The following CWC27 variants were observed in gnomAD, a reference collection of about 807,000 sequenced individuals.
CWC27 encodes CWC27 spliceosome associated cyclophilin, also known as spliceosome-associated protein CWC27 homolog.
Under a neutral mutation model 63.6 loss-of-function variants are expected in CWC27, and 47 were observed. The observed-to-expected ratio is 0.74, with a 90% CI of 0.58 to 0.94. The LOEUF (loss-of-function observed/expected upper bound fraction) is 0.94. CWC27 is among the 40% of genes least tolerant of loss of function. CWC27 has a pLI of 0.00. For missense variants in CWC27, 495 were observed against 554.3 expected (o/e 0.89, Z 1.07); for synonymous variants, 175 against 179.8 (o/e 0.97, Z 0.22).
intron 11 of CWC27, among the ~76,000 whole-genome samples, chr5:64,970,037 A>G (rs566889556): frequency 8.5e-5 from 13 of 152,266 alleles, no homozygotes; most frequent in Admixed American, 2.0e-4. Context: ...ACGGCAAAGG[A>G]GTTGTCTCTT....
At chr5:64,787,229 T>C (rs929291582) in intron 6 of CWC27, among the ~76,000 whole-genome samples, 4 of 28,366 alleles carry the variant, frequency 1.4e-4, no homozygotes, top group Non-Finnish European at 1.9e-4. Context: ...AGTGGTTTTG[T>C]TTGTTTGTTT....
At chr5:64,773,874 G>A (rs1329395761) in intron 1 of CWC27, 1 of 152,086 alleles carries the variant, frequency 6.6e-6, no homozygotes, top group Non-Finnish European at 1.5e-5. Flanking sequence ...AGGCTATCAC[G>A]GGATTCTATT....
At chr5:64,940,842 C>CTTTTTTTTTTTTTT (rs70983655) in intron 11 of CWC27, among the ~76,000 whole-genome samples, 1 of 64,964 alleles carries the variant, frequency 1.5e-5, no homozygotes, top group African/African-American at 5.5e-5. Flanking sequence ...TTCTTTCTTT[C>CTTTTTTTTTTTTTT]TTTTTTTTTT....
chr5:64,924,474 A>T (rs996926735), intron 11 of CWC27, among the ~76,000 whole-genome samples: 1 of 152,320 alleles, frequency 6.6e-6, no homozygotes, highest in African/African-American at 2.4e-5. Flanking sequence ...AAAGCTATGT[A>T]ATCTACGTCT....
intron 13 of CWC27, among the ~76,000 whole-genome samples, chr5:65,017,281 A>G (rs1305066292): frequency 2.6e-5 from 4 of 152,130 alleles, no homozygotes; most frequent in African/African-American, 9.7e-5. Flanking sequence ...AGATCGCGCC[A>G]CTGCACTCCA....
intron 11 of CWC27, among the ~76,000 whole-genome samples, chr5:64,945,470 C>T (rs974929858): frequency 2.0e-5 from 3 of 152,232 alleles, no homozygotes; most frequent in Non-Finnish European, 4.4e-5. Flanking sequence ...GTTGCCTAAA[C>T]CACTTCTCCT....
chr5:64,793,874 G>C (rs1744164264), intron 7 of CWC27, among the ~76,000 whole-genome samples: 1 of 152,120 alleles, frequency 6.6e-6, no homozygotes, highest in Non-Finnish European at 1.5e-5. Context: ...TTATGTGAAA[G>C]GAGAAATAAG....
chr5:64,961,495 A>G (rs949988163), intron 11 of CWC27, among the ~76,000 whole-genome samples: 3 of 152,046 alleles, frequency 2.0e-5, no homozygotes, highest in Non-Finnish European at 4.4e-5. Flanking sequence ...GTAATCTTTA[A>G]GTCCCCAAGA....
At chr5:64,888,559 ATATT>A (rs201306991) in intron 11 of CWC27, among the ~76,000 whole-genome samples, 1,614 of 147,968 alleles carry the variant, frequency 0.011, 11 homozygotes, top group Non-Finnish European at 0.017. Flanking sequence ...TATATAAAAT[ATATT>A]TATAAATATA....
intron 7 of CWC27, among the ~76,000 whole-genome samples, chr5:64,799,962 A>G (rs6449759): frequency 0.37 from 55,434 of 151,860 alleles, 10,713 homozygotes; most frequent in East Asian, 0.51. Context: ...GTTTCATAGT[A>G]TGCAAATTAT....
At chr5:64,997,835 T>C (rs1440491224) in intron 13 of CWC27, among the ~76,000 whole-genome samples, 1 of 152,142 alleles carries the variant, frequency 6.6e-6, no homozygotes, top group Admixed American at 6.5e-5. Flanking sequence ...ATAAGCTCAG[T>C]GTAATGTAAA....
chr5:64,923,160 G>A (rs1002072911), intron 11 of CWC27, among the ~76,000 whole-genome samples: 1 of 152,136 alleles, frequency 6.6e-6, no homozygotes, highest in Admixed American at 6.5e-5. Context: ...CCAGCAGGAC[G>A]CTGTCAGCAA....
intron 11 of CWC27, among the ~76,000 whole-genome samples, chr5:64,944,214 C>G (rs529053465): frequency 4.4e-4 from 67 of 152,020 alleles, no homozygotes; most frequent in African/African-American, 1.5e-3. Context: ...TCTCCACATC[C>G]CCCTCTAACT....
At chr5:64,787,162 G>C (rs1230363775) in intron 6 of CWC27, among the ~76,000 whole-genome samples, 1 of 152,154 alleles carries the variant, frequency 6.6e-6, no homozygotes, top group Non-Finnish European at 1.5e-5. Flanking sequence ...AACACATGGG[G>C]ATTGTGGGAA....
At chr5:64,959,486 A>T (rs935816239) in intron 11 of CWC27, among the ~76,000 whole-genome samples, 3 of 152,228 alleles carry the variant, frequency 2.0e-5, no homozygotes, top group African/African-American at 4.8e-5. Flanking sequence ...TATCACCAGT[A>T]GCTCCTCAGG....
chr5:64,967,657 G>A (rs973394717), intron 11 of CWC27, among the ~76,000 whole-genome samples: 5 of 151,918 alleles, frequency 3.3e-5, no homozygotes, highest in Admixed American at 6.6e-5. Context: ...AGGTGCCAAG[G>A]TCATTCACTG....
intron 10 of CWC27, chr5:64,808,179 A>G: frequency 9.9e-7 from 1 of 1,007,662 alleles, no homozygotes; most frequent in Non-Finnish European, 1.2e-6. Flanking sequence ...ATTTTTAATT[A>G]GAATCTGCAT....
At chr5:64,918,264 A>G (rs150089952) in intron 11 of CWC27, among the ~76,000 whole-genome samples, 1,551 of 152,300 alleles carry the variant, frequency 0.01, 23 homozygotes, top group Middle Eastern at 0.058. Context: ...TGTGGTTACC[A>G]AGGGCTAGGC....
At chr5:65,016,856 T>G (rs1750056764) in intron 13 of CWC27, among the ~76,000 whole-genome samples, 1 of 152,204 alleles carries the variant, frequency 6.6e-6, no homozygotes, top group African/African-American at 2.4e-5. Context: ...TACCCAGATC[T>G]CTGCTTATAT....
Sources: gnomAD v4.1 joint callset for allele counts (sites outside exome capture counted in the v4.1 genomes callset) on GRCh38, gnomAD v4.1.1 for gene constraint, MANE v1.5 for transcripts, NCBI Gene and HGNC (gene_info 2026-07-23, HGNC 2026-07-21) for gene names.